ATP6V1B2: variants seen among roughly 807,000 people sequenced by gnomAD.
ATP6V1B2 encodes the protein ATPase H+ transporting V1 subunit B2.
A neutral mutation model predicts 66.7 loss-of-function variants in ATP6V1B2; 23 were observed. That is an observed-to-expected ratio of 0.34 (90% confidence interval 0.25 to 0.49). The LOEUF (loss-of-function observed/expected upper bound fraction) is 0.49, where lower values mean the gene tolerates loss of function less well. Ranked by LOEUF, ATP6V1B2 falls within the 20% of genes least tolerant of loss-of-function variation. The probability of loss-of-function intolerance (pLI) is 0.99; values close to 1 mark genes in which losing one functional copy is unlikely to be tolerated. For missense variants in ATP6V1B2, 478 were observed against 650.8 expected (o/e 0.73, Z 2.89); for synonymous variants, 278 against 236.7 (o/e 1.17, Z -1.60).
chr8:20,210,447 G>C lies in ATP6V1B2; in HGVS notation c.385+8G>C. 6.2e-7 allele frequency: 1 copy of C among 1,610,784 alleles called. No individual in the cohort carries two copies. Among genetic ancestry groups the C allele is most frequent in the Non-Finnish European group, 8.5e-7 (1 of 1,177,166 alleles). On this transcript the variant is annotated splice_region_variant and intron_variant, in intron 4 of 13. Transcript: ENST00000276390. Reference sequence around the variant, plus strand: ...TGTCTGAGGATATGCTTGGTAAATGGATATTATTCATTCTAAGCCGAGATC... The same window carrying C: ...TGTCTGAGGATATGCTTGGTAAATGCATATTATTCATTCTAAGCCGAGATC...
chr8:20,218,771 T>G (rs2072879912), intron 13 of ATP6V1B2, among the ~76,000 whole-genome samples: 1 of 152,180 alleles, frequency 6.6e-6, no homozygotes, highest in Admixed American at 6.5e-5. Flanking sequence ...CTGTGGGCTC[T>G]ATGATGTGTG....
rs753212630 is a variant in ATP6V1B2, at chr8:20,204,469, T to C, written c.137-15T>C. On this transcript the variant is annotated splice_polypyrimidine_tract_variant and intron_variant, in intron 1 of 13. Transcript: ENST00000276390. Reference sequence around the variant, plus strand: ...GCTATTTGACTAAAACTGACTCTTCTGTATTTCTTTCCAGCATACAAGACA... The same window carrying C: ...GCTATTTGACTAAAACTGACTCTTCCGTATTTCTTTCCAGCATACAAGACA... 6 of 1,609,426 alleles carry C rather than the reference T, an allele frequency of 3.7e-6. No individual in the cohort carries two copies. Among genetic ancestry groups the C allele is most frequent in the Non-Finnish European group, 5.1e-6 (6 of 1,176,610 alleles).
intron 1 of ATP6V1B2, among the ~76,000 whole-genome samples, chr8:20,200,259 C>T (rs2072671855): frequency 6.6e-6 from 1 of 151,996 alleles, no homozygotes; most frequent in South Asian, 2.1e-4. Flanking sequence ...CTCAAGAGAT[C>T]CGCCCGCCAT....
intron 13 of ATP6V1B2, among the ~76,000 whole-genome samples, 164 bp downstream of exon 13, chr8:20,218,446 C>T (rs1032724808): frequency 1.3e-5 from 2 of 152,128 alleles, no homozygotes; most frequent in Non-Finnish European, 2.9e-5. Flanking sequence ...TCTCCTCTGC[C>T]TTCTAAACAT....
chr8:20,200,651 A>G (rs189367262), intron 1 of ATP6V1B2, among the ~76,000 whole-genome samples: 30 of 152,354 alleles, frequency 2.0e-4, no homozygotes, highest in Non-Finnish European at 2.8e-4. Context: ...AAAAGATTCA[A>G]CAACATACAT....
intron 2 of ATP6V1B2, among the ~76,000 whole-genome samples, chr8:20,206,097 A>G (rs2128885106): frequency 6.6e-6 from 1 of 152,382 alleles, no homozygotes; most frequent in African/African-American, 2.4e-5. Context: ...CACAACCTGC[A>G]GCAAATCAAG....
At chr8:20,212,265 G>C in intron 8 of ATP6V1B2, 66 bp downstream of exon 8, 2 of 1,504,170 alleles carry the variant, frequency 1.3e-6, no homozygotes, top group South Asian at 1.1e-5. Context: ...TTAAGGTTGG[G>C]GAGGTAAAAT....
chr8:20,206,542 T>A (rs1455008043), intron 2 of ATP6V1B2, among the ~76,000 whole-genome samples: 4 of 152,250 alleles, frequency 2.6e-5, no homozygotes, highest in Non-Finnish European at 2.9e-5. Flanking sequence ...ACCACTACTG[T>A]TAAGGTTATA....
intron 1 of ATP6V1B2, among the ~76,000 whole-genome samples, chr8:20,201,277 G>C (rs1276394393): frequency 6.6e-6 from 1 of 152,170 alleles, no homozygotes; most frequent in Admixed American, 6.5e-5. Context: ...CAATATGTAG[G>C]TAAATAGAAA....
At position 20,220,429 on chromosome 8, in the gene ATP6V1B2, C is replaced by G. The variant is rs139800615; in HGVS notation, c.*27C>G. 1.5e-5 allele frequency: 23 copies of G among 1,525,842 alleles called. No individual in the cohort carries two copies. Among genetic ancestry groups the G allele is most frequent in the Middle Eastern group, 3.5e-4 (2 of 5,738 alleles). 94.5% of individuals were successfully genotyped at this position (1,525,842 alleles called of 1,614,324 possible). On this transcript the variant is annotated 3_prime_UTR_variant, in exon 14 of 14. Coordinates refer to ENST00000276390, the MANE Select transcript of ATP6V1B2 (RefSeq NM_001693.4). Reference sequence around the variant, plus strand: ...TGCTGCTTCTGCATTGCTCCGCGCTCTTGTGAAATACTGGTTCTGTTTTCT... The same window carrying G: ...TGCTGCTTCTGCATTGCTCCGCGCTGTTGTGAAATACTGGTTCTGTTTTCT...
intron 8 of ATP6V1B2, 69 bp from the exon 9 acceptor site, chr8:20,212,713 T>A (rs1485276921): frequency 1.3e-6 from 2 of 1,574,958 alleles, no homozygotes; most frequent in African/African-American, 2.7e-5. Context: ...ATTTCCAGAA[T>A]CATTTCTTTT....
At chr8:20,218,390 G>C (rs1243160291) in intron 13 of ATP6V1B2, 108 bp downstream of exon 13, 2 of 1,395,306 alleles carry the variant, frequency 1.4e-6, no homozygotes, top group East Asian at 5.0e-5. Context: ...TTATTTCTCT[G>C]GTTAGAGAAG....
Position 20,220,924 on chromosome 8 carries a change from T to G in ATP6V1B2, c.*522T>G, listed in dbSNP as rs2072900888. Reference sequence around the variant, plus strand: ...CTCGAAGCAGATGGTTTTGACTGTCTTTTTGCTCTTTCCTATATAATGAAT... The same window carrying G: ...CTCGAAGCAGATGGTTTTGACTGTCGTTTTGCTCTTTCCTATATAATGAAT... On this transcript the variant is annotated 3_prime_UTR_variant, in exon 14 of 14. Coordinates refer to ENST00000276390, the MANE Select transcript of ATP6V1B2 (RefSeq NM_001693.4). 6.6e-6 allele frequency: 1 copy of G among 152,402 alleles called. No individual in the cohort carries two copies. Among genetic ancestry groups the G allele is most frequent in the Non-Finnish European group, 1.5e-5 (1 of 68,194 alleles). The allele number at this position is 152,402 out of a possible 1,614,324, so 9.4% of individuals were successfully genotyped here.
At chr8:20,212,513 T>C (rs2072805425) in intron 8 of ATP6V1B2, among the ~76,000 whole-genome samples, 1 of 152,236 alleles carries the variant, frequency 6.6e-6, no homozygotes, top group African/African-American at 2.4e-5. Flanking sequence ...CTCAAAAATC[T>C]GGCTTTCATT....
intron 3 of ATP6V1B2, 86 bp downstream of exon 3, chr8:20,209,617 A>G: frequency 8.6e-6 from 11 of 1,273,420 alleles, no homozygotes; most frequent in Non-Finnish European, 1.2e-5. Context: ...TGATCATTGC[A>G]TAAGTGTTTT....
Position 20,215,456 on chromosome 8 carries a change from A to T in ATP6V1B2, c.1078+488A>T, listed in dbSNP as rs1402519478. On this transcript the variant is annotated intron_variant, in intron 10 of 13. Transcript: ENST00000276390. ...ATGCCTGTCTGTGTGTGTGCCCAGG[A>T]TGGGGTACGACTATTCAGAATTCCT... is the stretch of plus-strand genomic sequence containing the variant. The T allele has an allele frequency of 2.0e-5, 3 of 152,834 alleles. 1 individual carries two copies. The highest frequency in any genetic ancestry group is 4.1e-4 in the South Asian group (2 of 4,846). 9.5% of individuals were successfully genotyped at this position (152,834 alleles called of 1,614,324 possible). A position where few individuals can be genotyped will look rare whatever the true frequency, so the allele number is the denominator to read the frequency against.
At chr8:20,208,858 C>T (rs1009229390) in intron 2 of ATP6V1B2, among the ~76,000 whole-genome samples, 2 of 151,940 alleles carry the variant, frequency 1.3e-5, no homozygotes, top group Admixed American at 6.6e-5. Context: ...GCCTGTGCCA[C>T]CATGCCTGGC....
intron 1 of ATP6V1B2, among the ~76,000 whole-genome samples, chr8:20,202,308 G>C (rs956895298): frequency 6.6e-6 from 1 of 152,150 alleles, no homozygotes; most frequent in Non-Finnish European, 1.5e-5. Context: ...CCTTGGGCTG[G>C]TTGCTTGTGT....
At chr8:20,219,738 GAT>G (rs1266383456) in intron 13 of ATP6V1B2, among the ~76,000 whole-genome samples, 1 of 152,150 alleles carries the variant, frequency 6.6e-6, no homozygotes, top group Non-Finnish European at 1.5e-5. Flanking sequence ...TATTTGTGGG[GAT>G]AAGGATGATT....
Sources: allele counts gnomAD v4.1 joint callset (sites outside exome capture counted in the v4.1 genomes callset), GRCh38; gene constraint gnomAD v4.1.1; transcripts MANE v1.5; gene names NCBI Gene and HGNC (gene_info 2026-07-23, HGNC 2026-07-21).